Variants in XYLT1 observed in about 807,000 individuals in gnomAD.
The protein encoded by XYLT1 is xylosyltransferase 1, also known as beta-D-xylosyltransferase 1.
XYLT1 carries 36 observed loss-of-function variants against 91.3 expected under a neutral mutation model. The ratio of observed to expected loss-of-function variants is 0.39; its 90% CI spans 0.30 to 0.52. The LOEUF (loss-of-function observed/expected upper bound fraction) is 0.52, where lower values mean the gene tolerates loss of function less well. XYLT1 is among the 20% of genes least tolerant of loss of function. The probability of loss-of-function intolerance (pLI) is 0.68; values close to 1 mark genes in which losing one functional copy is unlikely to be tolerated. For synonymous variants in XYLT1, 588 were observed against 532.0 expected, an observed-to-expected ratio of 1.11 and a Z score of -1.45; for missense variants, 1,242 against 1,284.5, an observed-to-expected ratio of 0.97 and a Z score of 0.51.
intron 1 of XYLT1, among the ~76,000 whole-genome samples, chr16:17,449,073 T>C (rs1040718669): frequency 5.9e-5 from 9 of 152,170 alleles, no homozygotes; most frequent in African/African-American, 2.2e-4. Context: ...GAGAAGGAAG[T>C]GGCATATAAG....
chr16:17,256,609 C>G (rs2141754940), intron 3 of XYLT1, among the ~76,000 whole-genome samples: 1 of 148,932 alleles, frequency 6.7e-6, no homozygotes, highest in South Asian at 2.1e-4. Context: ...GAGATCATGC[C>G]ACTGCACTCC....
chr16:17,158,960 C>T, intron 5 of XYLT1, 51 bp from the exon 6 acceptor site: 1 of 1,539,836 alleles, frequency 6.5e-7, no homozygotes, highest in Non-Finnish European at 9.0e-7. Flanking sequence ...TGGGTACTGT[C>T]TTTGTCACAG....
At chr16:17,150,947 A>G (rs1221465746) in intron 6 of XYLT1, among the ~76,000 whole-genome samples, 1 of 152,128 alleles carries the variant, frequency 6.6e-6, no homozygotes, top group Admixed American at 6.6e-5. Flanking sequence ...TTGAAAGTGC[A>G]AGGGCCCTGT....
chr16:17,152,823 T>C (rs2031312756), intron 6 of XYLT1, among the ~76,000 whole-genome samples: 1 of 152,230 alleles, frequency 6.6e-6, no homozygotes, highest in East Asian at 1.9e-4. Flanking sequence ...CCTGGCTTTC[T>C]TATATTTGAA....
At chr16:17,252,431 T>C (rs889240839) in intron 3 of XYLT1, among the ~76,000 whole-genome samples, 2 of 152,058 alleles carry the variant, frequency 1.3e-5, no homozygotes, top group Non-Finnish European at 2.9e-5. Flanking sequence ...CCCTAGGGTG[T>C]GTGGCTCAAA....
rs142772365 is a variant in XYLT1 at position 17,245,292 on chromosome 16, T to C, written c.913+13696A>G. On this transcript the variant is annotated intron_variant, in intron 3 of 11. Coordinates refer to ENST00000261381, the MANE Select transcript of XYLT1 (RefSeq NM_022166.4). ...CCTTTCCCTGCCTTCTCACCATCTT[T>C]TCACTTTGGTCGCTGCAAATATCAC... Among the ~76,000 whole-genome samples the C allele has an allele frequency of 7.9e-5, 12 of 152,294 alleles. No individual in the cohort carries two copies. The East Asian group carries it at 2.1e-3, about 27-fold the overall frequency.
At chr16:17,300,525 C>T (rs566761455) in intron 2 of XYLT1, among the ~76,000 whole-genome samples, 13 of 127,650 alleles carry the variant, frequency 1.0e-4, no homozygotes, top group Non-Finnish European at 1.8e-4. Flanking sequence ...GGCACGATCT[C>T]GGCTCACTGA....
chr16:17,260,452 T>TG (rs2033706169), intron 2 of XYLT1, among the ~76,000 whole-genome samples: 1 of 152,076 alleles, frequency 6.6e-6, no homozygotes, highest in Non-Finnish European at 1.5e-5. Flanking sequence ...AGAAGAGTAA[T>TG]GGCTCCATAT....
intron 5 of XYLT1, among the ~76,000 whole-genome samples, chr16:17,185,350 G>A (rs1265697809): frequency 6.6e-6 from 1 of 152,258 alleles, no homozygotes; most frequent in Non-Finnish European, 1.5e-5. Flanking sequence ...AGTCCGAGCA[G>A]ATACACCCTT....
chr16:17,250,557 G>A (rs1263166054), intron 3 of XYLT1: 2 of 152,238 alleles, frequency 1.3e-5, no homozygotes, highest in Non-Finnish European at 2.9e-5. Flanking sequence ...TAGAAACTGT[G>A]TGTGTGAGGC....
intron 1 of XYLT1, among the ~76,000 whole-genome samples, chr16:17,386,795 CTCA>C (rs2035753181): frequency 6.6e-6 from 1 of 152,132 alleles, no homozygotes; most frequent in Admixed American, 6.6e-5. Flanking sequence ...CATGCATTAC[CTCA>C]TCTAATCTTC....
rs138267073 is a variant in XYLT1 at position 17,214,609 on chromosome 16, A to G, written c.914-13955T>C. On this transcript the variant is annotated intron_variant, in intron 3 of 11. Transcript: ENST00000261381. The stretch of plus-strand genomic sequence containing the variant: ...GAAGTAACTGGAACGAATGTCTATG[A>G]TATGCCAGGCAGGCACCATTCTGGG... Among the ~76,000 whole-genome samples the G allele has an allele frequency of 2.3e-3, 343 of 152,272 alleles. 1 individual carries two copies. Among genetic ancestry groups the G allele is most frequent in the African/African-American group, 7.9e-3 (327 of 41,544 alleles).
intron 5 of XYLT1, among the ~76,000 whole-genome samples, chr16:17,176,120 T>A (rs1167786620): frequency 1.3e-5 from 2 of 152,064 alleles, no homozygotes; most frequent in African/African-American, 4.8e-5. Context: ...GCCACAGTGG[T>A]GTTATATGGG....
chr16:17,168,909 TG>T (rs2031760909), intron 5 of XYLT1, among the ~76,000 whole-genome samples: 1 of 152,204 alleles, frequency 6.6e-6, no homozygotes, highest in African/African-American at 2.4e-5. Flanking sequence ...CCTTACCCCT[TG>T]GCAAGGCATG....
chr16:17,203,382 C>T (rs1299900120), intron 3 of XYLT1, among the ~76,000 whole-genome samples: 2 of 151,278 alleles, frequency 1.3e-5, no homozygotes, highest in African/African-American at 4.9e-5. Flanking sequence ...ATTTATTCAT[C>T]GATCGAAATC....
Position 17,312,800 on chromosome 16 carries a change from A to G in XYLT1, c.402+45212T>C, listed in dbSNP as rs1325178464. On this transcript the variant is annotated intron_variant, in intron 2 of 11. Transcript: ENST00000261381. This position sits in a 1 kb window ranked among gnomAD's most constrained non-coding sequence, Gnocchi z 4.4. ...TTGTCCAAGGAGCTCGAATTCAGGGAATCTAGCTCTAAGCTACTATGCAGT... is the reference window on the plus strand; with the variant it reads ...TTGTCCAAGGAGCTCGAATTCAGGGGATCTAGCTCTAAGCTACTATGCAGT... Among the ~76,000 whole-genome samples, 2 of 152,260 alleles carry G rather than the reference A, an allele frequency of 1.3e-5. No individual in the cohort carries two copies. Among genetic ancestry groups the G allele is most frequent in the East Asian group, 3.8e-4 (2 of 5,208 alleles).
intron 10 of XYLT1, among the ~76,000 whole-genome samples, chr16:17,119,162 G>T (rs1301650503): frequency 6.6e-6 from 1 of 152,088 alleles, no homozygotes; most frequent in East Asian, 1.9e-4. Flanking sequence ...CTCTTTCTTG[G>T]TGCCTACTAC....
intron 1 of XYLT1, among the ~76,000 whole-genome samples, chr16:17,392,829 A>C (rs1456747860): frequency 1.3e-5 from 2 of 152,042 alleles, no homozygotes; most frequent in Non-Finnish European, 2.9e-5. Context: ...CCTAAGACAA[A>C]TGTATATTTG....
chr16:17,220,461 T>A (rs149765462), intron 3 of XYLT1, among the ~76,000 whole-genome samples: 7 of 152,212 alleles, frequency 4.6e-5, no homozygotes, highest in Non-Finnish European at 1.0e-4. Flanking sequence ...CTCAGGTCAA[T>A]GTCTGTGTTA....
Sources: gnomAD v4.1 joint callset for allele counts (sites outside exome capture counted in the v4.1 genomes callset) on GRCh38, gnomAD v4.1.1 for gene constraint, Gnocchi (gnomAD v3.1) non-coding constraint, MANE v1.5 for transcripts, NCBI Gene and HGNC (gene_info 2026-07-23, HGNC 2026-07-21) for gene names.